CBLN2: variants seen among roughly 807,000 people sequenced by gnomAD.
CBLN2 encodes the protein cerebellin 2 precursor, also known as cerebellin-2.
CBLN2 carries 7 observed loss-of-function variants against 15.0 expected under a neutral mutation model. The observed-to-expected ratio is 0.47, with a 90% CI of 0.27 to 0.88. CBLN2 has a LOEUF of 0.88. CBLN2 is among the 40% of genes least tolerant of loss of function. The pLI is 0.14. For synonymous variants in CBLN2, 149 were observed against 135.2 expected (o/e 1.10, Z -0.71); for missense variants, 242 against 304.5 (o/e 0.79, Z 1.53).
chr18:72,579,880 G>A (rs1449633490), intron 1 of CBLN2, among the ~76,000 whole-genome samples: 2 of 151,962 alleles, frequency 1.3e-5, no homozygotes, highest in Non-Finnish European at 2.9e-5. Flanking sequence ...TTGTCTCCAA[G>A]GCTTAGTCAT....
At chr18:72,607,106 A>G (rs1310162507) in intron 1 of CBLN2, among the ~76,000 whole-genome samples, 2 of 152,238 alleles carry the variant, frequency 1.3e-5, no homozygotes, top group African/African-American at 4.8e-5. Flanking sequence ...GGGCACAGGC[A>G]TGGTTACAGG....
At chr18:72,552,133 T>C (rs1191363353) in intron 1 of CBLN2, among the ~76,000 whole-genome samples, 2 of 152,038 alleles carry the variant, frequency 1.3e-5, no homozygotes, top group Non-Finnish European at 2.9e-5. Flanking sequence ...TTTCGCTCTT[T>C]TTGCCCAGGC....
chr18:72,593,349 T>C (rs914346253), intron 1 of CBLN2, among the ~76,000 whole-genome samples: 5 of 152,204 alleles, frequency 3.3e-5, no homozygotes, highest in Non-Finnish European at 5.9e-5. Context: ...AATTTTTGTA[T>C]GTTGACTTTG....
chr18:72,610,951 A>G (rs919200045), intron 1 of CBLN2, among the ~76,000 whole-genome samples: 1 of 151,798 alleles, frequency 6.6e-6, no homozygotes, highest in Non-Finnish European at 1.5e-5. Flanking sequence ...GTCTGTGAGT[A>G]CCCCCTATTT....
At chr18:72,613,466 T>C (rs2069636937) in intron 1 of CBLN2, among the ~76,000 whole-genome samples, 1 of 149,848 alleles carries the variant, frequency 6.7e-6, no homozygotes, top group Admixed American at 6.8e-5. Flanking sequence ...TTATTAGTAA[T>C]AGGTATCTTT....
At chr18:72,549,301 C>T (rs1036677728), upstream of CBLN2, among the ~76,000 whole-genome samples, 3 of 152,338 alleles carry the variant, frequency 2.0e-5, no homozygotes, top group East Asian at 1.9e-4. Flanking sequence ...CGTGAGCCAA[C>T]GTGGCCAGCA....
chr18:72,607,607 A>C (rs2069591486), intron 1 of CBLN2, among the ~76,000 whole-genome samples: 1 of 152,152 alleles, frequency 6.6e-6, no homozygotes, highest in African/African-American at 2.4e-5. Context: ...TTTATTCTGT[A>C]ACATTTTCCT....
intron 1 of CBLN2, among the ~76,000 whole-genome samples, chr18:72,610,005 C>G (rs1023140902): frequency 6.6e-6 from 1 of 152,150 alleles, no homozygotes; most frequent in Non-Finnish European, 1.5e-5. Context: ...CATTAATGTT[C>G]CCTAATGTTC....
At chr18:72,576,433 A>G (rs372823442) in intron 1 of CBLN2, among the ~76,000 whole-genome samples, 13 of 152,232 alleles carry the variant, frequency 8.5e-5, no homozygotes, top group African/African-American at 3.1e-4. Flanking sequence ...GCAGCCGGTT[A>G]TATCATAATG....
In CBLN2 at chr18:72,538,203, G is replaced by C; in HGVS notation, c.648C>G (p.Phe216Leu). The change falls in exon 5 of 5, where the codon TTC becomes TTG. Residue 216 changes from phenylalanine to leucine, a missense_variant. Around this residue, in one of 4 missense-constraint regions of CBLN2, gnomAD observed 31 missense variants for 36.3 expected, o/e 0.86. Coordinates refer to ENST00000269503, the MANE Select transcript of CBLN2 (RefSeq NM_182511.4). ...ATAGAGGAAACACCAAGAAGCCCGA[G>C]AATGTGGAGTATTTCCAGCCCCCCA... ...NLMGGWKYSTFSGFLVFPL is the reference protein window; with the variant it reads ...NLMGGWKYSTLSGFLVFPL The C allele has an allele frequency of 6.2e-7, 1 of 1,614,106 alleles. No individual in the cohort carries two copies. Among genetic ancestry groups the C allele is most frequent in the South Asian group, 1.1e-5 (1 of 91,074 alleles).
chr18:72,563,634 G>A (rs2069275536), intron 1 of CBLN2, among the ~76,000 whole-genome samples: 1 of 152,192 alleles, frequency 6.6e-6, no homozygotes. Context: ...GGAAACAAGA[G>A]AGTTCCAAGT....
At chr18:72,625,005 T>C (rs2069725795) in intron 1 of CBLN2, among the ~76,000 whole-genome samples, 1 of 152,124 alleles carries the variant, frequency 6.6e-6, no homozygotes, top group Non-Finnish European at 1.5e-5. Context: ...AACAAAATTG[T>C]TTTCCCAACT....
chr18:72,541,517 T>C (rs1001231723), intron 3 of CBLN2, among the ~76,000 whole-genome samples: 9 of 152,180 alleles, frequency 5.9e-5, no homozygotes, highest in Non-Finnish European at 1.0e-4. Flanking sequence ...ATATTTCAAA[T>C]CTTTAGGTTT....
intron 1 of CBLN2, among the ~76,000 whole-genome samples, chr18:72,578,490 G>A (rs2069382500): frequency 6.6e-6 from 1 of 152,142 alleles, no homozygotes; most frequent in Non-Finnish European, 1.5e-5. Context: ...CTAAGCCAAA[G>A]TCAAAACCGC....
At chr18:72,567,482 TC>T (rs1292121642) in intron 1 of CBLN2, among the ~76,000 whole-genome samples, 6 of 152,132 alleles carry the variant, frequency 3.9e-5, no homozygotes. Context: ...ATCTGAGTTT[TC>T]TCTCTCAGGC....
At chr18:72,564,437 G>T (rs971754778) in intron 1 of CBLN2, among the ~76,000 whole-genome samples, 5 of 151,992 alleles carry the variant, frequency 3.3e-5, no homozygotes, top group African/African-American at 1.2e-4. Flanking sequence ...AGCAACAAAA[G>T]TTCAAGCAGA....
chr18:72,630,520 A>ACC (rs749160440), intron 1 of CBLN2, among the ~76,000 whole-genome samples: 3 of 134,126 alleles, frequency 2.2e-5, no homozygotes, highest in Non-Finnish European at 3.1e-5. Flanking sequence ...ACACACACAC[A>ACC]CCCTGCACAA....
At chr18:72,590,985 C>T (rs900431010) in intron 1 of CBLN2, among the ~76,000 whole-genome samples, 2 of 152,162 alleles carry the variant, frequency 1.3e-5, no homozygotes, top group East Asian at 1.9e-4. Flanking sequence ...GGGGCATTGC[C>T]GAAGATAAAG....
chr18:72,634,184 T>C (rs1285260876), intron 1 of CBLN2, among the ~76,000 whole-genome samples: 1 of 152,090 alleles, frequency 6.6e-6, no homozygotes, highest in Non-Finnish European at 1.5e-5. Flanking sequence ...TTAGAACTGA[T>C]TTTACAGATG....
Sources: allele counts gnomAD v4.1 joint callset (sites outside exome capture counted in the v4.1 genomes callset), GRCh38; gene constraint gnomAD v4.1.1; regional missense constraint gnomAD v4.1.1; transcripts MANE v1.5; gene names NCBI Gene and HGNC (gene_info 2026-07-23, HGNC 2026-07-21).